Variants in KIR3DL2 observed in about 807,000 individuals in gnomAD.
KIR3DL2 encodes killer cell immunoglobulin-like receptor 3DL2.
KIR3DL2 carries 42 observed loss-of-function variants against 41.6 expected under a neutral mutation model. The observed-to-expected ratio is 1.01, with a 90% CI of 0.79 to 1.31. The LOEUF is 1.31. Ranked by LOEUF, KIR3DL2 falls within the 50% of genes most tolerant of loss-of-function variation. The pLI, the probability that KIR3DL2 is intolerant of heterozygous loss-of-function variation, is 0.00. For missense variants in KIR3DL2, 728 were observed against 576.8 expected (o/e 1.26, Z -2.68); for synonymous variants, 230 against 221.3 (o/e 1.04, Z -0.35).
intron 5 of KIR3DL2, among the ~76,000 whole-genome samples, chr19:54,856,163 AG>A (rs1258579137): frequency 2.0e-5 from 3 of 151,386 alleles, no homozygotes; most frequent in Non-Finnish European, 4.4e-5. Context: ...GACCCAGAGA[AG>A]GGGAGACTGG....
chr19:54,861,043 T>G (rs200597440), intron 6 of KIR3DL2, among the ~76,000 whole-genome samples: 6,387 of 130,408 alleles, frequency 0.049, no homozygotes, highest in East Asian at 0.1. Flanking sequence ...TTAATATGAC[T>G]GACATGAAAA....
rs1241233584 is a variant in KIR3DL2, at chr19:54,853,678, C to G, written c.356-69C>G. 1.1e-4 allele frequency: 166 copies of G among 1,549,894 alleles called. 1 individual carries two copies. Among genetic ancestry groups the G allele is most frequent in the Non-Finnish European group, 1.4e-4 (161 of 1,132,762 alleles). On this transcript the variant is annotated intron_variant, in intron 3 of 8. Transcript: ENST00000326321. ...CAGACCTCTGGGAGGGGAACCCTCA[C>G]TCATTCCAGGTGCCATGGATGGGAT...
rs201167420 is a variant in KIR3DL2 at position 54,859,532 on chromosome 19, C to G, written c.1000+403C>G. 2.0e-4 allele frequency among the ~76,000 whole-genome samples: 30 copies of G among 148,074 alleles called. 1 individual carries two copies. The highest frequency in any genetic ancestry group is 1.8e-3 in the East Asian group (9 of 5,010). ...CAAGGAATGAATTACTGTTGGTCAT[C>G]AGGCAACCCTGGCTGACTCAGCAGA... On this transcript the variant is annotated intron_variant, in intron 6 of 8. Coordinates refer to ENST00000326321, the MANE Select transcript of KIR3DL2 (RefSeq NM_006737.4).
Position 54,866,496 on chromosome 19 carries a change from C to T in KIR3DL2, c.1159-26C>T, listed in dbSNP as rs1309434244. On this transcript the variant is annotated intron_variant, in intron 8 of 8. Coordinates refer to ENST00000326321, the MANE Select transcript of KIR3DL2 (RefSeq NM_006737.4). ...GTCCTGAAAAATGTGAGCACCCTCC[C>T]TCACTCAGCATTTCCCTCTCTCCAG... is the stretch of plus-strand genomic sequence containing the variant. The T allele has an allele frequency of 1.9e-6, 3 of 1,614,026 alleles. No homozygotes were observed. In the Admixed American group the frequency reaches 5.0e-5, roughly 27 times the overall value.
Position 54,853,799 on chromosome 19 carries a change from A to C in KIR3DL2, c.408A>C (p.Ser136=). The change falls in exon 4 of 9, where the codon TCA becomes TCC. Residue 136 remains serine (S), a synonymous_variant. Transcript: ENST00000326321. ...LLAHPGPLLK[S]GETVILQCWS... is the part of the protein sequence containing the mutation. ...CCCACCCAGGGCCCCTGCTGAAATC[A>C]GGAGAGACAGTCATCCTGCAATGTT... The C allele has an allele frequency of 1.9e-6, 3 of 1,612,276 alleles. No homozygotes were observed. Among genetic ancestry groups the C allele is most frequent in the Admixed American group, 1.7e-5 (1 of 59,972 alleles).
intron 6 of KIR3DL2, among the ~76,000 whole-genome samples, chr19:54,859,812 G>A (rs1601797960): frequency 6.6e-6 from 1 of 152,038 alleles, no homozygotes; most frequent in East Asian, 1.9e-4. Flanking sequence ...TCCCTCTGAG[G>A]GTTCCAGGCA....
At chr19:54,851,172 C>T in intron 1 of KIR3DL2, 48 bp from the exon 2 acceptor site, 3 of 1,605,380 alleles carry the variant, frequency 1.9e-6, no homozygotes, top group Non-Finnish European at 2.6e-6. Context: ...CAGCAGGGTG[C>T]CCTGGTTTGC....
Sources: gnomAD v4.1 joint callset for allele counts (sites outside exome capture counted in the v4.1 genomes callset) on GRCh38, gnomAD v4.1.1 for gene constraint, MANE v1.5 for transcripts, NCBI Gene and HGNC (gene_info 2026-07-23, HGNC 2026-07-21) for gene names.